CEP135: variants seen among roughly 807,000 people sequenced by gnomAD.
CEP135 encodes centrosomal protein of 135 kDa.
In CEP135, 142 loss-of-function variants were observed where a neutral mutation model predicts 157.3. The ratio of observed to expected loss-of-function variants is 0.90; its 90% CI spans 0.79 to 1.04. The LOEUF is 1.04. Ranked by LOEUF, CEP135 falls within the 50% of genes least tolerant of loss-of-function variation. The probability of loss-of-function intolerance (pLI) is 0.00; values close to 1 mark genes in which losing one functional copy is unlikely to be tolerated. For missense variants in CEP135, 1,317 were observed against 1,309.2 expected (o/e 1.01, Z -0.09); for synonymous variants, 396 against 439.8 (o/e 0.90, Z 1.25).
At position 56,031,707 on chromosome 4, in the gene CEP135, G is replaced by A. The variant is rs1351601124; in HGVS notation, c.*359G>A. ...TGTTTATTAATAAGCCATGATATGT[G>A]TATGTAAATATTCTTACAGTACTTG... is the stretch of plus-strand genomic sequence containing the variant. On this transcript the variant is annotated 3_prime_UTR_variant, in exon 26 of 26. Transcript: ENST00000257287. 6.6e-6 allele frequency: 1 copy of A among 152,040 alleles called. No individual in the cohort carries two copies. Among genetic ancestry groups the A allele is most frequent in the Non-Finnish European group, 1.5e-5 (1 of 68,004 alleles). 9.4% of individuals were successfully genotyped at this position (152,040 alleles called of 1,614,324 possible).
In CEP135 at chr4:55,981,433, T is replaced by C. The variant is rs201976873; in HGVS notation, c.1779+54T>C. 353 of 1,487,404 alleles carry C rather than the reference T, an allele frequency of 2.4e-4. 1 individual carries two copies. Among genetic ancestry groups the C allele is most frequent in the Non-Finnish European group, 3.0e-4 (338 of 1,115,606 alleles). The allele number at this position is 1,487,404 out of a possible 1,614,324, so 92.1% of individuals were successfully genotyped here. A position where few individuals can be genotyped will look rare whatever the true frequency, so the allele number is the denominator to read the frequency against. On this transcript the variant is annotated intron_variant, in intron 13 of 25. Coordinates refer to ENST00000257287, the MANE Select transcript of CEP135 (RefSeq NM_025009.5). ...TAATTTGTTGAGAAAAAGAGGTCTTTGTATATACATTTTCCTGTGAAGTTA... is the reference window on the plus strand; with the variant it reads ...TAATTTGTTGAGAAAAAGAGGTCTTCGTATATACATTTTCCTGTGAAGTTA...
intron 22 of CEP135, among the ~76,000 whole-genome samples, chr4:56,018,766 A>G (rs1178178623): frequency 6.6e-6 from 1 of 152,164 alleles, no homozygotes; most frequent in Admixed American, 6.5e-5. Flanking sequence ...TCTCAAAAAA[A>G]AAAAGTAAGA....
intron 9 of CEP135, among the ~76,000 whole-genome samples, chr4:55,969,944 C>T (rs1289247819): frequency 6.6e-6 from 1 of 151,972 alleles, no homozygotes; most frequent in Non-Finnish European, 1.5e-5. Flanking sequence ...ATGATCATAG[C>T]TCCCTGCAGC....
Position 56,011,525 on chromosome 4 carries a change from GA to G in CEP135, c.2616+8del. 1 of 1,569,330 alleles carries G rather than the reference GA, an allele frequency of 6.4e-7. No individual in the cohort carries two copies. Among genetic ancestry groups the G allele is most frequent in the Non-Finnish European group, 8.7e-7 (1 of 1,152,816 alleles). On this transcript the variant is annotated splice_donor_region_variant and intron_variant, in intron 20 of 25. Transcript: ENST00000257287. The stretch of plus-strand genomic sequence containing the variant: ...GGGAGAGCTTAATGGCTGCCAAGGT[GA>G]AAAATATTATTTAGGTTGGATTTAA...
intron 15 of CEP135, among the ~76,000 whole-genome samples, chr4:55,995,012 G>C (rs960408747): frequency 6.6e-6 from 1 of 152,120 alleles, no homozygotes; most frequent in African/African-American, 2.4e-5. Flanking sequence ...TCCAAATAGA[G>C]AATCTTTTGT....
In CEP135 at chr4:55,999,251, T is replaced by C. The variant is rs771057984; in HGVS notation, c.2010-51T>C. The C allele has an allele frequency of 3.7e-6, 5 of 1,343,664 alleles. No homozygotes were observed. In the Admixed American group the frequency reaches 8.8e-5, roughly 24 times the overall value. The allele number at this position is 1,343,664 out of a possible 1,614,324, so 83.2% of individuals were successfully genotyped here. A position where few individuals can be genotyped will look rare whatever the true frequency, so the allele number is the denominator to read the frequency against. Reference sequence around the variant, plus strand: ...TAAGAAATCTCATTTTTTAAACGTATTTCTATGAGAGATAAAGAATACCAT... The same window carrying C: ...TAAGAAATCTCATTTTTTAAACGTACTTCTATGAGAGATAAAGAATACCAT... On this transcript the variant is annotated intron_variant, in intron 15 of 25. Transcript: ENST00000257287.
intron 5 of CEP135, among the ~76,000 whole-genome samples, chr4:55,958,528 G>C (rs1221544788): frequency 6.6e-6 from 1 of 152,058 alleles, no homozygotes; most frequent in Non-Finnish European, 1.5e-5. Context: ...TATTATCTAG[G>C]GCTTTTCAGA....
intron 5 of CEP135, among the ~76,000 whole-genome samples, chr4:55,958,586 A>AT (rs1728576702): frequency 6.6e-6 from 1 of 152,172 alleles, no homozygotes; most frequent in Admixed American, 6.5e-5. Flanking sequence ...CATAAGTGAC[A>AT]TTAGTCTTTT....
chr4:56,009,599 C>T (rs1730495383), intron 18 of CEP135, 136 bp from the exon 19 acceptor site: 2 of 698,150 alleles, frequency 2.9e-6, no homozygotes, highest in Non-Finnish European at 4.5e-6. Flanking sequence ...TAATAGGTCT[C>T]TTAATGCAGC....
chr4:55,997,191 A>T (rs1039238757), intron 15 of CEP135, among the ~76,000 whole-genome samples: 1 of 152,180 alleles, frequency 6.6e-6, no homozygotes, highest in Non-Finnish European at 1.5e-5. Flanking sequence ...TTACACCTCA[A>T]CTGTTTCGTT....
intron 24 of CEP135, among the ~76,000 whole-genome samples, chr4:56,022,527 T>C (rs147204917): frequency 1.7e-3 from 264 of 152,280 alleles, no homozygotes; most frequent in African/African-American, 6.1e-3. Context: ...GGAAAAAGTC[T>C]AGAAAAGTTC....
chr4:56,023,349 T>C (rs1471885807), intron 24 of CEP135, among the ~76,000 whole-genome samples: 1 of 152,040 alleles, frequency 6.6e-6, no homozygotes, highest in Non-Finnish European at 1.5e-5. Context: ...AGATGTAGTG[T>C]CATGCAAGCT....
chr4:56,017,224 A>AC (rs1182653435), intron 21 of CEP135, among the ~76,000 whole-genome samples: 1 of 151,976 alleles, frequency 6.6e-6, no homozygotes, highest in Non-Finnish European at 1.5e-5. Flanking sequence ...TTTGAAGTAA[A>AC]CCCCATTTTT....
chr4:55,952,313 A>C (rs1728381585), intron 2 of CEP135, 70 bp downstream of exon 2: 1 of 888,084 alleles, frequency 1.1e-6, no homozygotes. Flanking sequence ...ATTGAACTTC[A>C]TGCTTTGGTA....
In CEP135 at chr4:55,980,126, T is replaced by C. The variant is rs372621395; in HGVS notation, c.1474-17T>C. ...CATGTGGTGATGATTATATTTTGTT[T>C]TTTAATTATGTTTCAGGGTGATTAC... On this transcript the variant is annotated splice_polypyrimidine_tract_variant and intron_variant, in intron 11 of 25. Coordinates refer to ENST00000257287, the MANE Select transcript of CEP135 (RefSeq NM_025009.5). 7 of 1,595,794 alleles carry C rather than the reference T, an allele frequency of 4.4e-6. No homozygotes were observed. The highest frequency in any genetic ancestry group is 1.4e-5 in the African/African-American group (1 of 73,900).
intron 13 of CEP135, among the ~76,000 whole-genome samples, chr4:55,984,313 G>A (rs1158954348): frequency 6.6e-6 from 1 of 152,080 alleles, no homozygotes; most frequent in Non-Finnish European, 1.5e-5. Context: ...CACTCTTCTT[G>A]TCTAGCTGAT....
In CEP135 at chr4:56,008,349, A is replaced by G. The variant is rs1407719211; in HGVS notation, c.2303A>G (p.Lys768Arg). The G allele has an allele frequency of 6.2e-7, 1 of 1,610,336 alleles. No homozygotes were observed. The highest frequency in any genetic ancestry group is 8.5e-7 in the Non-Finnish European group (1 of 1,178,552). The change falls in exon 18 of 26, where the codon AAG (lysine) becomes AGG (arginine). Residue 768 changes from lysine (K) to arginine (R), a missense_variant. Physicochemically the swap from Lys to Arg is conservative, Grantham distance 26. Coordinates refer to ENST00000257287, the MANE Select transcript of CEP135 (RefSeq NM_025009.5). Reference sequence around the variant, plus strand: ...TAGGAAAAAGCTGTTGCTCAAATGAAGATAATGATCTCAGAGTGTGAATCA... The same window carrying G: ...TAGGAAAAAGCTGTTGCTCAAATGAGGATAATGATCTCAGAGTGTGAATCA... ...ANKEKAVAQM[K>R]IMISECESSV... is the part of the protein sequence containing the mutation.
intron 17 of CEP135, among the ~76,000 whole-genome samples, chr4:56,007,947 T>G (rs537758381): frequency 1.2e-4 from 18 of 152,356 alleles, no homozygotes; most frequent in African/African-American, 4.3e-4. Flanking sequence ...ACCACCATTT[T>G]AGACCCAGAA....
At chr4:55,989,226 A>G (rs1450185124) in intron 14 of CEP135, among the ~76,000 whole-genome samples, 5 of 152,224 alleles carry the variant, frequency 3.3e-5, no homozygotes, top group African/African-American at 9.6e-5. Flanking sequence ...AGATATTACT[A>G]CATTTTTTAA....
Sources: allele counts gnomAD v4.1 joint callset (sites outside exome capture counted in the v4.1 genomes callset), GRCh38; gene constraint gnomAD v4.1.1; transcripts MANE v1.5; gene names NCBI Gene and HGNC (gene_info 2026-07-23, HGNC 2026-07-21).